The following EXOC6B variants were observed in gnomAD, a reference collection of about 807,000 sequenced individuals.
EXOC6B encodes SEC15 homolog B.
In EXOC6B, 54 loss-of-function variants were observed where a neutral mutation model predicts 113.5. The observed-to-expected ratio is 0.48, with a 90% CI of 0.38 to 0.60. EXOC6B has a LOEUF of 0.60. EXOC6B is among the 20% of genes least tolerant of loss of function. The pLI, the probability that EXOC6B is intolerant of heterozygous loss-of-function variation, is 0.00. For missense variants in EXOC6B, 797 were observed against 977.5 expected (o/e 0.82, Z 2.46); for synonymous variants, 357 against 339.0 (o/e 1.05, Z -0.58).
At chr2:72,465,401 G>C in intron 17 of EXOC6B, 62 bp from the exon 18 acceptor site, 1 of 1,293,234 alleles carries the variant, frequency 7.7e-7, no homozygotes. Flanking sequence ...AAATTTCTAT[G>C]AGCTTAGAGC....
chr2:72,685,153 T>C (rs1676987912), intron 6 of EXOC6B, among the ~76,000 whole-genome samples: 1 of 152,160 alleles, frequency 6.6e-6, no homozygotes, highest in African/African-American at 2.4e-5. Flanking sequence ...AAGAGATTAA[T>C]CATATTGATA....
intron 18 of EXOC6B, among the ~76,000 whole-genome samples, chr2:72,427,222 CAGAGGGGTGGACAG>C (rs1365629233): frequency 6.6e-6 from 1 of 152,202 alleles, no homozygotes; most frequent in African/African-American, 2.4e-5. Flanking sequence ...TGGTTGGGCA[CAGAGGGGTGGACAG>C]AGAGGGGCCC....
chr2:72,370,856 C>A, intron 19 of EXOC6B, among the ~76,000 whole-genome samples: 1 of 131,666 alleles, frequency 7.6e-6, no homozygotes, highest in African/African-American at 3.0e-5. Context: ...ACACTGGGGC[C>A]TGTTGTGGGG....
chr2:72,412,960 T>C (rs1252586373), intron 18 of EXOC6B, among the ~76,000 whole-genome samples: 1 of 151,486 alleles, frequency 6.6e-6, no homozygotes, highest in African/African-American at 2.4e-5. Flanking sequence ...CCCTCTCTCT[T>C]TCTTTCTTTC....
chr2:72,507,676 A>C (rs921760900), intron 11 of EXOC6B, among the ~76,000 whole-genome samples: 3 of 152,198 alleles, frequency 2.0e-5, no homozygotes, highest in Admixed American at 2.0e-4. Flanking sequence ...CTACAGATCA[A>C]TGCTGAACTA....
intron 17 of EXOC6B, among the ~76,000 whole-genome samples, chr2:72,469,767 G>C (rs946528386): frequency 6.6e-6 from 1 of 151,964 alleles, no homozygotes; most frequent in African/African-American, 2.4e-5. Context: ...TTCACTTGAT[G>C]GATGGTGTCA....
In EXOC6B at chr2:72,631,426, G is replaced by GTGTGTGTGTA. The variant is rs1290760055; in HGVS notation, c.670-55759_670-55758insTACACACACA. ...TGTATATGTGTGTGTGTGTGTGTGT[G>GTGTGTGTGTA]TATATATATATATATATATATATAT... On this transcript the variant is annotated intron_variant, in intron 6 of 21. Transcript: ENST00000272427. Among the ~76,000 whole-genome samples, 23 of 28,184 alleles carry GTGTGTGTGTA rather than the reference G, an allele frequency of 8.2e-4. 1 individual carries two copies. Among genetic ancestry groups the GTGTGTGTGTA allele is most frequent in the African/African-American group, 2.3e-3 (20 of 8,666 alleles). The allele number at this position is 28,184 out of a possible 152,430, so 18.5% of individuals were successfully genotyped here.
At chr2:72,330,767 C>G (rs188240753) in intron 20 of EXOC6B, among the ~76,000 whole-genome samples, 3 of 152,190 alleles carry the variant, frequency 2.0e-5, no homozygotes, top group East Asian at 3.9e-4. Context: ...TTGTGACTAG[C>G]TTCAGCCACA....
chr2:72,379,882 G>A lies in EXOC6B; in HGVS notation c.1981-12C>T, dbSNP rs773989566. 2.5e-6 allele frequency: 4 copies of A among 1,595,812 alleles called. No homozygotes were observed. In the Admixed American group the frequency reaches 6.9e-5, roughly 27 times the overall value. The stretch of plus-strand genomic sequence containing the variant: ...TGGGCCACCTTTCCCTGAAACACAA[G>A]AGTGTAAATCATAAAGTTAATGCAT... On this transcript the variant is annotated splice_polypyrimidine_tract_variant and intron_variant, in intron 18 of 21. Transcript: ENST00000272427.
intron 5 of EXOC6B, among the ~76,000 whole-genome samples, chr2:72,722,948 C>T (rs1231498624): frequency 6.6e-6 from 1 of 152,150 alleles, no homozygotes; most frequent in East Asian, 1.9e-4. Flanking sequence ...GTACAAAACC[C>T]AGTGATTCCT....
intron 6 of EXOC6B, among the ~76,000 whole-genome samples, chr2:72,587,803 T>C (rs1705685386): frequency 6.6e-6 from 1 of 151,862 alleles, no homozygotes; most frequent in Non-Finnish European, 1.5e-5. Context: ...CCATAGTATA[T>C]GAAGAATTCC....
chr2:72,636,571 G>A (rs1325962592), intron 6 of EXOC6B, among the ~76,000 whole-genome samples: 1 of 151,414 alleles, frequency 6.6e-6, no homozygotes, highest in African/African-American at 2.4e-5. Context: ...AAGAGGAAGA[G>A]GAAGAAAAAG....
chr2:72,398,277 G>A (rs906039559), intron 18 of EXOC6B, among the ~76,000 whole-genome samples: 6 of 152,148 alleles, frequency 3.9e-5, no homozygotes, highest in South Asian at 4.1e-4. Flanking sequence ...TCAGCTCTTC[G>A]TGGGTTTCAA....
intron 3 of EXOC6B, among the ~76,000 whole-genome samples, chr2:72,732,584 T>C (rs1291429320): frequency 2.0e-5 from 3 of 151,974 alleles, no homozygotes; most frequent in African/African-American, 7.3e-5. Context: ...TCTCATGGAG[T>C]TTAATTTCCA....
intron 17 of EXOC6B, among the ~76,000 whole-genome samples, chr2:72,471,056 T>C (rs1248194551): frequency 1.3e-5 from 2 of 152,152 alleles, no homozygotes; most frequent in Non-Finnish European, 2.9e-5. Context: ...ACTTCCACAA[T>C]GGTTGAACTA....
chr2:72,188,951 T>C (rs1397853511), intron 20 of EXOC6B, among the ~76,000 whole-genome samples: 3 of 152,204 alleles, frequency 2.0e-5, no homozygotes, highest in African/African-American at 7.2e-5. Flanking sequence ...ATATGCTATT[T>C]CTTTTCTTGA....
At chr2:72,367,594 C>T (rs748321811) in intron 19 of EXOC6B, among the ~76,000 whole-genome samples, 19 of 151,764 alleles carry the variant, frequency 1.3e-4, no homozygotes, top group Non-Finnish European at 2.1e-4. Flanking sequence ...TGAGCAATCA[C>T]GCTACCTAGA....
intron 1 of EXOC6B, among the ~76,000 whole-genome samples, chr2:72,772,158 G>A (rs1327271420): frequency 5.3e-5 from 8 of 152,102 alleles, no homozygotes; most frequent in Middle Eastern, 3.2e-3. Context: ...AGAGACCCTC[G>A]CTGGAGGAAA....
In EXOC6B at chr2:72,713,187, C is replaced by T. The variant is rs529023170; in HGVS notation, c.669+4916G>A. Among the ~76,000 whole-genome samples, 6 of 152,186 alleles carry T rather than the reference C, an allele frequency of 3.9e-5. No homozygotes were observed. In the South Asian group the frequency reaches 1.2e-3, roughly 32 times the overall value. Reference sequence around the variant, plus strand: ...GCTCCACACTATCAAGGACAAAGTCCACCCATGGATCACTGCAGCAACTCA... The same window carrying T: ...GCTCCACACTATCAAGGACAAAGTCTACCCATGGATCACTGCAGCAACTCA... On this transcript the variant is annotated intron_variant, in intron 6 of 21. Coordinates refer to ENST00000272427, the MANE Select transcript of EXOC6B (RefSeq NM_015189.3).
Sources: allele counts gnomAD v4.1 joint callset (sites outside exome capture counted in the v4.1 genomes callset), GRCh38; gene constraint gnomAD v4.1.1; transcripts MANE v1.5; gene names NCBI Gene and HGNC (gene_info 2026-07-23, HGNC 2026-07-21).